The following PPP2R5C variants were observed in gnomAD, a reference collection of about 807,000 sequenced individuals.
PPP2R5C encodes the protein serine/threonine-protein phosphatase 2A 56 kDa regulatory subunit gamma isoform.
A neutral mutation model predicts 68.9 loss-of-function variants in PPP2R5C; 7 were observed. The observed-to-expected ratio is 0.10, with a 90% CI of 0.06 to 0.19. PPP2R5C has a LOEUF of 0.19. Ranked by LOEUF, PPP2R5C falls within the 10% of genes least tolerant of loss-of-function variation. The probability of loss-of-function intolerance (pLI) is 1.00; values close to 1 mark genes in which losing one functional copy is unlikely to be tolerated. For missense variants in PPP2R5C, 348 were observed against 641.3 expected (o/e 0.54, Z 4.94); for synonymous variants, 210 against 222.2 (o/e 0.95, Z 0.49).
chr14:101,784,211 T>C (rs1277079892), intron 2 of PPP2R5C, among the ~76,000 whole-genome samples: 2 of 152,202 alleles, frequency 1.3e-5, no homozygotes, highest in Admixed American at 1.3e-4. Flanking sequence ...GCAGCTCTTA[T>C]TGCTTATGAA....
At position 101,916,085 on chromosome 14, in the gene PPP2R5C, C is replaced by T. The variant is rs1056165135; in HGVS notation, c.1327-1746C>T. On this transcript the variant is annotated intron_variant, in intron 12 of 13. Coordinates refer to ENST00000334743, the Ensembl canonical transcript of PPP2R5C. This position sits in a 1 kb window ranked among gnomAD's most constrained non-coding sequence, Gnocchi z 5.5. ...AGGGTGGAGAGGGAGCAGAATTCCC[C>T]CAAAATGTCAGCAGATATTAAAGAG... Among the ~76,000 whole-genome samples, 1 of 152,148 alleles carries T rather than the reference C, an allele frequency of 6.6e-6. No homozygotes were observed. Among genetic ancestry groups the T allele is most frequent in the Non-Finnish European group, 1.5e-5 (1 of 68,028 alleles).
At chr14:101,776,827 C>T (rs1241346420) in intron 2 of PPP2R5C, among the ~76,000 whole-genome samples, 3 of 151,896 alleles carry the variant, frequency 2.0e-5, no homozygotes, top group South Asian at 2.1e-4. Context: ...TCCTTTACTT[C>T]GCAGAATGCT....
At chr14:101,833,882 A>G (rs1018699335) in intron 1 of PPP2R5C, among the ~76,000 whole-genome samples, 2 of 152,046 alleles carry the variant, frequency 1.3e-5, no homozygotes, top group Admixed American at 6.5e-5. Flanking sequence ...GCTCACTGCA[A>G]CCTCTGCCTC....
intron 2 of PPP2R5C, among the ~76,000 whole-genome samples, chr14:101,772,372 G>A (rs2037194946): frequency 6.6e-6 from 1 of 152,022 alleles, no homozygotes; most frequent in Non-Finnish European, 1.5e-5. Context: ...ATTGCCCATA[G>A]GAGCGGGACT....
chr14:101,887,059 C>T (rs1316499015), intron 5 of PPP2R5C, among the ~76,000 whole-genome samples: 1 of 152,178 alleles, frequency 6.6e-6, no homozygotes, highest in African/African-American at 2.4e-5. Context: ...CAATATAGAA[C>T]AGCTGTGTCT....
At chr14:101,924,536 G>A (rs879724711) in intron 13 of PPP2R5C, among the ~76,000 whole-genome samples, 9 of 148,428 alleles carry the variant, frequency 6.1e-5, no homozygotes, top group Admixed American at 3.5e-4. Context: ...TCCACCTCAC[G>A]GGTTCAAGCG....
chr14:101,921,925 A>T (rs1346290360), intron 13 of PPP2R5C: 1 of 925,072 alleles, frequency 1.1e-6, no homozygotes, highest in Non-Finnish European at 1.3e-6. Flanking sequence ...AGCAAATATC[A>T]TGTGAATAAC....
intron 2 of PPP2R5C, among the ~76,000 whole-genome samples, chr14:101,785,517 C>T (rs1366369592): frequency 6.6e-6 from 1 of 152,164 alleles, no homozygotes; most frequent in Non-Finnish European, 1.5e-5. Context: ...CTTCACATCT[C>T]TCTCTGACCC....
At chr14:101,775,475 GA>G (rs747975927) in intron 2 of PPP2R5C, among the ~76,000 whole-genome samples, 1 of 152,222 alleles carries the variant, frequency 6.6e-6, no homozygotes, top group Non-Finnish European at 1.5e-5. Flanking sequence ...TGGCTGCACG[GA>G]AGGTTGTGGG....
intron 1 of PPP2R5C, among the ~76,000 whole-genome samples, chr14:101,856,320 G>C (rs139028040): frequency 6.6e-6 from 1 of 152,336 alleles, no homozygotes; most frequent in African/African-American, 2.4e-5. Flanking sequence ...CCTTTCCCCA[G>C]ACATGGACCT....
chr14:101,778,074 TAAC>T (rs2037509670), intron 2 of PPP2R5C, among the ~76,000 whole-genome samples: 2 of 152,228 alleles, frequency 1.3e-5, no homozygotes, highest in South Asian at 4.1e-4. Context: ...CTGGCCATGC[TAAC>T]AAGTTATTTT....
intron 2 of PPP2R5C, among the ~76,000 whole-genome samples, chr14:101,864,851 C>T (rs913360608): frequency 1.3e-5 from 2 of 152,114 alleles, no homozygotes; most frequent in East Asian, 3.9e-4. Context: ...GGGACCACCC[C>T]GTTTGCTCCG....
intron 13 of PPP2R5C, among the ~76,000 whole-genome samples, chr14:101,918,434 G>A (rs1202513564): frequency 6.5e-5 from 3 of 46,506 alleles, no homozygotes; most frequent in East Asian, 1.7e-3. Context: ...CCCTCGCCCC[G>A]TCCCCTTCCC....
intron 1 of PPP2R5C, among the ~76,000 whole-genome samples, chr14:101,828,260 GTTAC>G (rs2040521051): frequency 6.6e-6 from 1 of 152,124 alleles, no homozygotes; most frequent in Non-Finnish European, 1.5e-5. Flanking sequence ...AGGGGGAGTA[GTTAC>G]TTACAGGGAT....
chr14:101,913,875 T>TAC lies in PPP2R5C; in HGVS notation c.1326+1416_1326+1417dup, dbSNP rs146593281. Reference sequence around the variant, plus strand: ...GCCTCGAAAACATGTGAGAAATGAATACACACACACACACAAACACACACA... The same window carrying TAC: ...GCCTCGAAAACATGTGAGAAATGAATACACACACACACACACAAACACACACA... On this transcript the variant is annotated intron_variant, in intron 12 of 13. Transcript: ENST00000334743. This position sits in a 1 kb window ranked among gnomAD's most constrained non-coding sequence, Gnocchi z 4.1. Among the ~76,000 whole-genome samples the TAC allele has an allele frequency of 4.4e-4, 67 of 151,584 alleles. No homozygotes were observed. Among genetic ancestry groups the TAC allele is most frequent in the African/African-American group, 1.4e-3 (56 of 41,336 alleles).
chr14:101,902,215 C>G (rs1391362301), intron 9 of PPP2R5C, among the ~76,000 whole-genome samples: 2 of 152,170 alleles, frequency 1.3e-5, no homozygotes, highest in Non-Finnish European at 2.9e-5. Context: ...TATTGATAGA[C>G]AACGGGTGGC....
At chr14:101,897,926 A>C (rs540275214) in intron 8 of PPP2R5C, among the ~76,000 whole-genome samples, 257 of 152,214 alleles carry the variant, frequency 1.7e-3, no homozygotes, top group Non-Finnish European at 3.1e-3. Flanking sequence ...AGGCCAAGGC[A>C]GGAGGAGCCC....
Position 101,795,755 on chromosome 14 carries a change from A to G in PPP2R5C, c.259+9572A>G, listed in dbSNP as rs139413276. On this transcript the variant is annotated intron_variant, in intron 3 of 14. Transcript: ENST00000328724. ...AATTGTTTAAAATTGGCTTTTGAAT[A>G]CCAGTTAAATATTTTATATCTCTTG... Among the ~76,000 whole-genome samples the G allele has an allele frequency of 3.1e-3, 476 of 152,322 alleles. 4 individuals are homozygous for G. Among genetic ancestry groups the G allele is most frequent in the African/African-American group, 0.011 (458 of 41,566 alleles).
chr14:101,779,734 G>A (rs1037963506), intron 2 of PPP2R5C, among the ~76,000 whole-genome samples: 10 of 152,054 alleles, frequency 6.6e-5, no homozygotes, highest in Non-Finnish European at 1.3e-4. Flanking sequence ...CATCTTGTGA[G>A]CAGGGGAATG....
Sources: gnomAD v4.1 joint callset for allele counts (sites outside exome capture counted in the v4.1 genomes callset) on GRCh38, gnomAD v4.1.1 for gene constraint, Gnocchi (gnomAD v3.1) non-coding constraint, MANE v1.5 for transcripts, NCBI Gene and HGNC (gene_info 2026-07-23, HGNC 2026-07-21) for gene names.